CUL5: variants seen among roughly 807,000 people sequenced by gnomAD.
CUL5 encodes the protein cullin 5, also known as cullin-5.
In CUL5, 26 loss-of-function variants were observed where a neutral mutation model predicts 108.8. The observed-to-expected ratio is 0.24, with a 90% CI of 0.18 to 0.33. The LOEUF is 0.33. Ranked by LOEUF, CUL5 falls within the 10% of genes least tolerant of loss-of-function variation. The pLI is 1.00. For synonymous variants in CUL5, 334 were observed against 298.0 expected (o/e 1.12, Z -1.25); for missense variants, 524 against 909.2 (o/e 0.58, Z 5.45).
chr11:108,033,711 T>C, intron 1 of CUL5, 91 bp from the exon 2 acceptor site: 2 of 749,180 alleles, frequency 2.7e-6, no homozygotes, highest in Non-Finnish European at 4.4e-6. Context: ...TTTGAGCCCT[T>C]CATTTCTCTA....
chr11:108,098,591 T>TTA, intron 18 of CUL5, 62 bp downstream of exon 18: 22 of 994,554 alleles, frequency 2.2e-5, no homozygotes, highest in Non-Finnish European at 2.6e-5. Flanking sequence ...TTTTTTTTTT[T>TTA]AAATTTTGAA....
At chr11:108,080,128 C>CT (rs1864039335) in intron 11 of CUL5, among the ~76,000 whole-genome samples, 1 of 57,610 alleles carries the variant, frequency 1.7e-5, no homozygotes, top group Admixed American at 3.0e-4. Context: ...TTTTTTTTTT[C>CT]CGGTATTCGT....
chr11:108,027,522 C>T (rs1862481226), intron 1 of CUL5, among the ~76,000 whole-genome samples: 1 of 151,938 alleles, frequency 6.6e-6, no homozygotes, highest in Non-Finnish European at 1.5e-5. Context: ...TCCACCCACC[C>T]CGGCCTCCCA....
rs1272585469 is a variant in CUL5, at chr11:108,094,333, C to G, written c.1444-58C>G. The G allele has an allele frequency of 2.3e-6, 3 of 1,277,868 alleles. No homozygotes were observed. In the African/African-American group the frequency reaches 4.7e-5, roughly 20 times the overall value. 79.2% of individuals were successfully genotyped at this position (1,277,868 alleles called of 1,614,324 possible). Reference sequence around the variant, plus strand: ...TTAGTTTTTCTATTAAAATTTTTCCCAGTAATATATCAGATTATGTATTTA... The same window carrying G: ...TTAGTTTTTCTATTAAAATTTTTCCGAGTAATATATCAGATTATGTATTTA... On this transcript the variant is annotated intron_variant, in intron 13 of 18. Transcript: ENST00000393094.
intron 1 of CUL5, among the ~76,000 whole-genome samples, chr11:108,013,807 G>T (rs1293814270): frequency 6.6e-6 from 1 of 152,152 alleles, no homozygotes; most frequent in African/African-American, 2.4e-5. Flanking sequence ...GGTGGCTCAT[G>T]CCTGTAATCC....
rs150158001 is a variant in CUL5 at position 108,020,584 on chromosome 11, G to A, written c.24+11212G>A. 4.2e-3 allele frequency among the ~76,000 whole-genome samples: 638 copies of A among 150,196 alleles called. 7 individuals are homozygous for A. Among genetic ancestry groups the A allele is most frequent in the African/African-American group, 0.015 (603 of 40,862 alleles). ...TAAAATAGAGACAGGGTCTCACCAC[G>A]TTGCCCAGGCTGGTCTCAAACTCCT... On this transcript the variant is annotated intron_variant, in intron 1 of 18. Coordinates refer to ENST00000393094, the MANE Select transcript of CUL5 (RefSeq NM_003478.6).
intron 4 of CUL5, among the ~76,000 whole-genome samples, 188 bp from the exon 5 acceptor site, chr11:108,052,472 G>A (rs1053043378): frequency 6.6e-6 from 1 of 151,930 alleles, no homozygotes; most frequent in African/African-American, 2.4e-5. Flanking sequence ...CTGCTGCCCA[G>A]GCTGGTCTTG....
chr11:108,044,980 C>G (rs1863031801), intron 2 of CUL5, among the ~76,000 whole-genome samples: 2 of 152,032 alleles, frequency 1.3e-5, no homozygotes, highest in South Asian at 4.1e-4. Context: ...CCAGGCTGGT[C>G]TTGAACTCCT....
intron 1 of CUL5, among the ~76,000 whole-genome samples, chr11:108,019,499 G>C (rs1048488197): frequency 3.9e-5 from 6 of 152,060 alleles, no homozygotes; most frequent in Non-Finnish European, 2.9e-5. Flanking sequence ...GGTCAACAAC[G>C]GATCACATAT....
chr11:108,054,566 C>T (rs11212499), intron 5 of CUL5, 81 bp from the exon 6 acceptor site: 14 of 968,788 alleles, frequency 1.4e-5, no homozygotes, highest in Non-Finnish European at 2.0e-5. Flanking sequence ...ATAATGACTC[C>T]TCAATATTTA....
chr11:108,072,144 A>G (rs992666939), intron 8 of CUL5, among the ~76,000 whole-genome samples, 188 bp from the exon 9 acceptor site: 3 of 152,114 alleles, frequency 2.0e-5, no homozygotes, highest in African/African-American at 7.2e-5. Context: ...GAGCCACTGT[A>G]CTCCAGCTTG....
intron 2 of CUL5, among the ~76,000 whole-genome samples, chr11:108,043,209 A>C (rs1862977820): frequency 6.6e-6 from 1 of 152,242 alleles, no homozygotes; most frequent in Non-Finnish European, 1.5e-5. Flanking sequence ...AGCTAGGACT[A>C]CAGGCATGTG....
At chr11:108,053,757 G>A (rs1472475738) in intron 5 of CUL5, among the ~76,000 whole-genome samples, 4 of 148,012 alleles carry the variant, frequency 2.7e-5, no homozygotes, top group Non-Finnish European at 4.4e-5. Context: ...ATGGCTCATT[G>A]AGCCTCCACC....
intron 3 of CUL5, among the ~76,000 whole-genome samples, chr11:108,048,587 T>C (rs1206542894): frequency 6.6e-6 from 1 of 150,554 alleles, no homozygotes; most frequent in Admixed American, 6.6e-5. Flanking sequence ...GGCATTCTGT[T>C]GGTCAAAGTA....
At chr11:108,031,196 C>T (rs112215681) in intron 1 of CUL5, among the ~76,000 whole-genome samples, 12 of 151,862 alleles carry the variant, frequency 7.9e-5, no homozygotes, top group African/African-American at 2.2e-4. Flanking sequence ...GGCGAAACCC[C>T]GTCTCTACTG....
At chr11:108,083,115 A>G (rs935992073) in intron 11 of CUL5, among the ~76,000 whole-genome samples, 1 of 152,106 alleles carries the variant, frequency 6.6e-6, no homozygotes, top group South Asian at 2.1e-4. Flanking sequence ...AATTGCTCTG[A>G]CCGGAACGTC....
chr11:108,085,427 G>A (rs78649925), intron 11 of CUL5, among the ~76,000 whole-genome samples: 2,448 of 152,154 alleles, frequency 0.016, 60 homozygotes, highest in African/African-American at 0.054. Flanking sequence ...GATGGGGAAG[G>A]GGGGGATGGG....
intron 11 of CUL5, among the ~76,000 whole-genome samples, chr11:108,087,974 T>TA (rs201514951): frequency 2.7e-5 from 4 of 149,696 alleles, no homozygotes; most frequent in African/African-American, 9.8e-5. Context: ...TCAAAAAAAC[T>TA]AAAAAAAAAT....
intron 12 of CUL5, 65 bp from the exon 13 acceptor site, chr11:108,089,427 A>G (rs1406718302): frequency 1.6e-6 from 2 of 1,226,974 alleles, no homozygotes. Flanking sequence ...TGGATATAGA[A>G]AGGTCTAAAT....
Sources: gnomAD v4.1 joint callset for allele counts (sites outside exome capture counted in the v4.1 genomes callset) on GRCh38, gnomAD v4.1.1 for gene constraint, MANE v1.5 for transcripts, NCBI Gene and HGNC (gene_info 2026-07-23, HGNC 2026-07-21) for gene names.